CTSF: variants seen among roughly 807,000 people sequenced by gnomAD.
CTSF encodes the protein cathepsin F.
CTSF carries 65 observed loss-of-function variants against 63.5 expected under a neutral mutation model. The ratio of observed to expected loss-of-function variants is 1.02; its 90% confidence interval spans 0.84 to 1.26. The LOEUF (loss-of-function observed/expected upper bound fraction) is 1.26, where lower values mean the gene tolerates loss of function less well. Among genes scored for constraint, CTSF ranks in the 50% most tolerant of loss-of-function variants. The pLI, the probability that CTSF is intolerant of heterozygous loss-of-function variation, is 0.00. For synonymous variants in CTSF, 256 were observed against 258.1 expected (o/e 0.99, Z 0.08); for missense variants, 641 against 631.0 (o/e 1.02, Z -0.17).
In CTSF at chr11:66,564,905, G is replaced by A. The variant is rs751789480; in HGVS notation, c.1147C>T (p.Leu383=). Residue 383 remains leucine, a synonymous_variant, in exon 9 of 13, where the codon CTG becomes TTG. Transcript: ENST00000310325. ...AKVYINDSVE[L]SQNEQKLAAW... is the part of the protein sequence containing the mutation. Reference sequence around the variant, plus strand: ...CACTCACTCTGCTCGTTCTGGCTCAGCTCCACGGAGTCATTGATGTAGACC... The same window carrying A: ...CACTCACTCTGCTCGTTCTGGCTCAACTCCACGGAGTCATTGATGTAGACC... 1.2e-6 allele frequency: 2 copies of A among 1,611,510 alleles called. No individual in the cohort carries two copies. The highest frequency in any genetic ancestry group is 1.1e-5 in the South Asian group (1 of 90,892).
chr11:66,567,662 G>C lies in CTSF; in HGVS notation c.313C>G (p.Leu105Val), dbSNP rs777947354. The C allele has an allele frequency of 4.3e-6, 7 of 1,612,544 alleles. No individual in the cohort carries two copies. In the East Asian group the frequency reaches 8.9e-5, roughly 21 times the overall value. Residue 105 changes from leucine (L) to valine (V), a missense_variant and splice_region_variant, in exon 3 of 13, where the codon CTC (leucine) becomes GTC (valine). Leu to Val is a conservative substitution (Grantham distance 32). Transcript: ENST00000310325. ...CRLPVSKKTLLCSFQVLDELG... is the reference protein window; with the variant it reads ...CRLPVSKKTLVCSFQVLDELG... Reference sequence around the variant, plus strand: ...TCATCCAGGACTTGGAAGCTGCAGAGCTGGAGGGAGAGGAAGAAGCTGCTC... The same window carrying C: ...TCATCCAGGACTTGGAAGCTGCAGACCTGGAGGGAGAGGAAGAAGCTGCTC...
chr11:66,565,932 AAG>A lies in CTSF; in HGVS notation c.868-7_868-6del, dbSNP rs1218248221. ...CCAGCAGGAGCCACACATGCCCTAC[AAG>A]AGATGGGTGGAGTTGGAGTCAGAGC... On this transcript the variant is annotated splice_polypyrimidine_tract_variant and splice_region_variant and intron_variant, in intron 6 of 12. Transcript: ENST00000310325. The A allele has an allele frequency of 1.2e-5, 19 of 1,614,006 alleles. No homozygotes were observed. Among genetic ancestry groups the A allele is most frequent in the African/African-American group, 2.7e-5 (2 of 74,942 alleles).
chr11:66,564,096 C>T lies in CTSF; in HGVS notation c.1372G>A (p.Gly458Ser). The T allele has an allele frequency of 6.2e-7, 1 of 1,613,678 alleles. No homozygotes were observed. Among genetic ancestry groups the T allele is most frequent in the Non-Finnish European group, 8.5e-7 (1 of 1,179,856 alleles). Residue 458 changes from glycine (G) to serine (S), a missense_variant, in exon 12 of 13, where the codon GGT becomes AGT. Transcript: ENST00000310325. ...AIKNSWGTDW[G>S]EKGYYYLHRG... is the part of the protein sequence containing the mutation. The stretch of plus-strand genomic sequence containing the variant: ...AAGCCAGCAAGACTCACCTTCTCAC[C>T]CCAGTCAGTGCCCCAGCTGTTCTTG...
intron 7 of CTSF, 25 bp downstream of exon 7, chr11:66,565,806 C>G (rs1857915925): frequency 1.2e-6 from 2 of 1,613,758 alleles, no homozygotes; most frequent in Middle Eastern, 1.6e-4. Flanking sequence ...AGGCTGGGGA[C>G]AGAGGAGTAG....
intron 2 of CTSF, 158 bp from the exon 3 acceptor site, chr11:66,567,820 C>T (rs898294048): frequency 2.9e-6 from 4 of 1,360,484 alleles, no homozygotes; most frequent in Non-Finnish European, 4.0e-6. Context: ...CCGGGGCATC[C>T]TCCCCTTCAT....
Position 66,568,060 on chromosome 11 carries a change from G to A in CTSF, c.236C>T (p.Ser79Phe). ...VRRAGQGSLY[S>F]LEATLEEPPC... Reference sequence around the variant, plus strand: ...TGGCTCCTCCAGGGTGGCCTCCAGGGAGTACAGCGACCCCTGACCCGCCTG... The same window carrying A: ...TGGCTCCTCCAGGGTGGCCTCCAGGAAGTACAGCGACCCCTGACCCGCCTG... The change falls in exon 2 of 13, where the codon TCC becomes TTC. Residue 79 changes from serine (S) to phenylalanine (F), a missense_variant. Transcript: ENST00000310325. 6.2e-7 allele frequency: 1 copy of A among 1,603,784 alleles called. No individual in the cohort carries two copies. The highest frequency in any genetic ancestry group is 8.5e-7 in the Non-Finnish European group (1 of 1,176,602).
rs537428419 is a variant in CTSF at position 66,567,801 on chromosome 11, C to T, written c.313-139G>A. On this transcript the variant is annotated intron_variant, in intron 2 of 12. Coordinates refer to ENST00000310325, the MANE Select transcript of CTSF (RefSeq NM_003793.4). ...CCCCATCACAGTGGACAGTGAGGCA[C>T]GGCCTGCACCGGGGCATCCTCCCCT... 3.3e-5 allele frequency: 45 copies of T among 1,373,664 alleles called. 1 individual carries two copies. The African/African-American group carries it at 4.4e-4, about 13-fold the overall frequency. The allele number at this position is 1,373,664 out of a possible 1,614,324, so 85.1% of individuals were successfully genotyped here.
In CTSF at chr11:66,563,969, G is replaced by A. The variant is rs752183535; in HGVS notation, c.1419C>T (p.Gly473=). The A allele has an allele frequency of 7.4e-6, 12 of 1,613,508 alleles. No individual in the cohort carries two copies. Among genetic ancestry groups the A allele is most frequent in the East Asian group, 6.7e-5 (3 of 44,882 alleles). The part of the protein sequence containing the change: ...YYLHRGSGAC[G]VNTMASSAVV... Reference sequence around the variant, plus strand: ...CCGCCGAGCTGGCCATGGTGTTCACGCCACAGGCCCCGGACCCACGATGCA... The same window carrying A: ...CCGCCGAGCTGGCCATGGTGTTCACACCACAGGCCCCGGACCCACGATGCA... Residue 473 remains glycine, a synonymous_variant, in exon 13 of 13, where the codon GGC becomes GGT. Transcript: ENST00000310325.
Position 66,567,681 on chromosome 11 carries a change from G to A in CTSF, c.313-19C>T, listed in dbSNP as rs746003479. On this transcript the variant is annotated intron_variant, in intron 2 of 12. Transcript: ENST00000310325. Reference sequence around the variant, plus strand: ...TGCAGAGCTGGAGGGAGAGGAAGAAGCTGCTCTGGGGGCCTGGATCTGGAT... The same window carrying A: ...TGCAGAGCTGGAGGGAGAGGAAGAAACTGCTCTGGGGGCCTGGATCTGGAT... 5 of 1,608,236 alleles carry A rather than the reference G, an allele frequency of 3.1e-6. No individual in the cohort carries two copies. The highest frequency in any genetic ancestry group is 3.4e-6 in the Non-Finnish European group (4 of 1,177,096).
rs1407768477 is a variant in CTSF, at chr11:66,566,294, T to C, written c.718A>G (p.Thr240Ala). The C allele has an allele frequency of 1.2e-6, 2 of 1,613,926 alleles. No homozygotes were observed. Among genetic ancestry groups the C allele is most frequent in the Non-Finnish European group, 1.7e-6 (2 of 1,179,946 alleles). Residue 240 changes from threonine (T) to alanine (A), a missense_variant, in exon 5 of 13, where the codon ACA becomes GCA. Transcript: ENST00000310325. The stretch of plus-strand genomic sequence containing the variant: ...GGACTGTGGCCACTATCCCTACCTG[T>C]GAGATCACTGAACTTGGTGACTCCA... ...QYGVTKFSDL[T>A]EEEFRTIYLN...
intron 11 of CTSF, 86 bp from the exon 12 acceptor site, chr11:66,564,232 A>G (rs1260203456): frequency 6.9e-6 from 10 of 1,455,736 alleles, no homozygotes; most frequent in African/African-American, 1.4e-5. Context: ...AAATACTTGC[A>G]CTGGGCCTAC....
intron 7 of CTSF, 38 bp downstream of exon 7, chr11:66,565,793 G>A (rs1857915504): frequency 1.2e-6 from 2 of 1,613,808 alleles, no homozygotes; most frequent in South Asian, 1.1e-5. Flanking sequence ...CTCCTGAGGG[G>A]CTAGGCTGGG....
intron 8 of CTSF, among the ~76,000 whole-genome samples, chr11:66,565,344 G>A (rs1013224835): frequency 3.9e-5 from 6 of 152,142 alleles, no homozygotes; most frequent in East Asian, 1.9e-4. Flanking sequence ...GGGCTCAAGC[G>A]ATCCTCCTGC....
At position 66,566,074 on chromosome 11, in the gene CTSF, G is replaced by T. The variant is rs1857923816; in HGVS notation, c.815C>A (p.Pro272Gln). The change falls in exon 6 of 13, where the codon CCA (proline) becomes CAA (glutamine). Residue 272 changes from proline (P) to glutamine (Q), a missense_variant. Pro to Gln is a moderately conservative substitution (Grantham distance 76). Coordinates refer to ENST00000310325, the MANE Select transcript of CTSF (RefSeq NM_003793.4). ...CTTACTCCTCCAGTCCCATTCAGGT[G>T]GGGCGAGGTCACCCACAGACTTGGC... ...KQAKSVGDLA[P>Q]PEWDWRSKGA... 1 of 1,614,156 alleles carries T rather than the reference G, an allele frequency of 6.2e-7. No individual in the cohort carries two copies. Among genetic ancestry groups the T allele is most frequent in the Non-Finnish European group, 8.5e-7 (1 of 1,180,034 alleles).
chr11:66,567,170 C>CCT (rs1174648457), intron 4 of CTSF, 76 bp downstream of exon 4: 3 of 1,460,034 alleles, frequency 2.1e-6, no homozygotes, highest in Non-Finnish European at 2.9e-6. Flanking sequence ...CTTTCTCCTC[C>CCT]CACACACCAA....
Position 66,568,069 on chromosome 11 carries a change from G to A in CTSF, c.227C>T (p.Ser76Leu), listed in dbSNP as rs766461599. ...CAGGGTGGCCTCCAGGGAGTACAGC[G>A]ACCCCTGACCCGCCTGGAGAGAGGA... ...RGRVRRAGQG[S>L]LYSLEATLEE... is the part of the protein sequence containing the mutation. The change falls in exon 2 of 13, where the codon TCG (serine) becomes TTG (leucine). Residue 76 changes from serine to leucine, a missense_variant. Ser to Leu is a moderately radical substitution (Grantham distance 145). Coordinates refer to ENST00000310325, the MANE Select transcript of CTSF (RefSeq NM_003793.4). 1.9e-6 allele frequency: 3 copies of A among 1,590,686 alleles called. No individual in the cohort carries two copies. The highest frequency in any genetic ancestry group is 2.6e-6 in the Non-Finnish European group (3 of 1,170,856).
At position 66,565,855 on chromosome 11, in the gene CTSF, T is replaced by TC; in HGVS notation, c.939dup (p.Thr314AspfsTer7). On this transcript the variant is annotated frameshift_variant, in exon 7 of 13. Transcript: ENST00000310325. LOFTEE classifies it high-confidence loss of function. ...CCCTGTTCAGAGAGGGAGAGCAGGG[T>TC]CCCCTGGTTGAGAAACCACTGGCCC... 6.2e-6 allele frequency: 10 copies of TC among 1,613,856 alleles called. No individual in the cohort carries two copies. The highest frequency in any genetic ancestry group is 8.5e-6 in the Non-Finnish European group (10 of 1,179,994).
chr11:66,564,494 G>GAGATCCTCT, intron 11 of CTSF, 64 bp downstream of exon 11: 1 of 1,386,308 alleles, frequency 7.2e-7, no homozygotes, highest in Non-Finnish European at 9.8e-7. Flanking sequence ...TAGAGGACCT[G>GAGATCCTCT]AGATGCTGTG....
chr11:66,567,193 G>T (rs1408651027), intron 4 of CTSF, 53 bp downstream of exon 4: 8 of 1,582,094 alleles, frequency 5.1e-6, no homozygotes, highest in South Asian at 3.3e-5. Flanking sequence ...TGCCAAGTTG[G>T]GGGGAAAGTC....
Sources: gnomAD v4.1 joint callset for allele counts (sites outside exome capture counted in the v4.1 genomes callset) on GRCh38, gnomAD v4.1.1 for gene constraint, MANE v1.5 for transcripts, NCBI Gene and HGNC (gene_info 2026-07-23, HGNC 2026-07-21) for gene names.